PCDHA7: variants seen among roughly 807,000 people sequenced by gnomAD.
PCDHA7 encodes protocadherin alpha-7.
Under a neutral mutation model 57.2 loss-of-function variants are expected in PCDHA7, and 37 were observed. The observed-to-expected ratio is 0.65, with a 90% CI of 0.50 to 0.85. The LOEUF is 0.85. Among genes scored for constraint, PCDHA7 ranks in the 40% least tolerant of loss-of-function variants. The pLI is 0.00. For missense variants in PCDHA7, 1,188 were observed against 1,241.8 expected (o/e 0.96, Z 0.65); for synonymous variants, 553 against 558.8 (o/e 0.99, Z 0.15).
At position 140,884,500 on chromosome 5, in the gene PCDHA7, G is replaced by T. The variant is rs782378726; in HGVS notation, c.2355+47762G>T. 34 of 1,614,122 alleles carry T rather than the reference G, an allele frequency of 2.1e-5. No homozygotes were observed. The South Asian group carries it at 2.5e-4, about 12-fold the overall frequency. On this transcript the variant is annotated intron_variant, in intron 1 of 3. Coordinates refer to ENST00000525929, the MANE Select transcript of PCDHA7 (RefSeq NM_018910.3). ...AGCCCACTCTAGTGTGCTCCAGCGC[G>T]GCAGGGAGTTGGTCGTACTCGCAGC...
chr5:140,972,260 C>T (rs155805), intron 1 of PCDHA7, among the ~76,000 whole-genome samples: 8,116 of 151,624 alleles, frequency 0.054, 294 homozygotes, highest in Middle Eastern at 0.15. Flanking sequence ...ACACATCAGC[C>T]TCCTGAGTAG....
At chr5:140,951,523 G>A (rs868992487) in intron 1 of PCDHA7, among the ~76,000 whole-genome samples, 1 of 151,994 alleles carries the variant, frequency 6.6e-6, no homozygotes, top group Non-Finnish European at 1.5e-5. Context: ...ATCTTACATG[G>A]CCGGTGCAGG....
intron 1 of PCDHA7, among the ~76,000 whole-genome samples, chr5:140,974,838 A>G (rs1554236389): frequency 6.6e-6 from 1 of 152,134 alleles, no homozygotes; most frequent in Admixed American, 6.5e-5. Context: ...ATTATTTTAA[A>G]TGTTATATTC....
chr5:140,857,878 G>A (rs2044977263), intron 1 of PCDHA7: 5 of 1,597,814 alleles, frequency 3.1e-6, no homozygotes, highest in East Asian at 4.5e-5. Context: ...CGTATGAATT[G>A]CAGTCGGCGG....
At chr5:140,850,454 C>A (rs2150484793) in intron 1 of PCDHA7, 7 of 1,597,724 alleles carry the variant, frequency 4.4e-6, no homozygotes, top group Non-Finnish European at 5.1e-6. Flanking sequence ...TGGTGAAAGA[C>A]CACGGGGAGC....
intron 1 of PCDHA7, chr5:140,851,357 G>A: frequency 2.1e-6 from 2 of 974,974 alleles, no homozygotes; most frequent in Non-Finnish European, 2.5e-6. Flanking sequence ...GATGGAGACT[G>A]TGAACATCTG....
intron 1 of PCDHA7, among the ~76,000 whole-genome samples, chr5:140,950,294 C>T (rs1396440202): frequency 6.6e-6 from 1 of 151,970 alleles, no homozygotes; most frequent in African/African-American, 2.4e-5. Context: ...ACCTGAAAAA[C>T]TTTACTTAGC....
intron 1 of PCDHA7, chr5:140,867,855 G>T (rs1340065029): frequency 6.6e-6 from 1 of 151,976 alleles, no homozygotes; most frequent in African/African-American, 2.4e-5. Context: ...TAGTTGAATT[G>T]TTTGATTAAT....
intron 1 of PCDHA7, chr5:140,868,337 C>T (rs1380091281): frequency 1.3e-5 from 2 of 151,836 alleles, no homozygotes; most frequent in African/African-American, 2.4e-5. Context: ...TATAAAGTCA[C>T]TTATAATCAG....
intron 1 of PCDHA7, chr5:140,876,689 C>T: frequency 1.2e-6 from 2 of 1,614,228 alleles, no homozygotes; most frequent in Middle Eastern, 1.6e-4. Context: ...AATTACTACT[C>T]GTTGGTGCTG....
intron 3 of PCDHA7, among the ~76,000 whole-genome samples, chr5:140,993,386 A>C (rs1435793353): frequency 6.6e-6 from 1 of 151,354 alleles, no homozygotes; most frequent in Non-Finnish European, 1.5e-5. Flanking sequence ...GGGTCCCTGA[A>C]ACTCCATCAT....
intron 1 of PCDHA7, among the ~76,000 whole-genome samples, chr5:140,898,180 G>T (rs1216288813): frequency 6.6e-6 from 1 of 152,128 alleles, no homozygotes; most frequent in Non-Finnish European, 1.5e-5. Context: ...CTGTGCAGAA[G>T]CTCTTTAGTT....
chr5:140,882,319 G>T, intron 1 of PCDHA7: 3 of 1,614,136 alleles, frequency 1.9e-6, no homozygotes, highest in Non-Finnish European at 2.5e-6. Flanking sequence ...TACTGCTCTG[G>T]CTTCTGATCC....
Position 140,859,942 on chromosome 5 carries a change from C to T in PCDHA7, c.2355+23204C>T, listed in dbSNP as rs188063424. ...AGTAATATAAAAAACTTAGTAAAAACTCATATCAATTGTAAAAGTCTCAGG... is the reference window on the plus strand; with the variant it reads ...AGTAATATAAAAAACTTAGTAAAAATTCATATCAATTGTAAAAGTCTCAGG... On this transcript the variant is annotated intron_variant, in intron 1 of 3. Coordinates refer to ENST00000525929, the MANE Select transcript of PCDHA7 (RefSeq NM_018910.3). 5.9e-5 allele frequency: 9 copies of T among 151,828 alleles called. No individual in the cohort carries two copies. The East Asian group carries it at 1.5e-3, about 26-fold the overall frequency. 9.4% of individuals were successfully genotyped at this position (151,828 alleles called of 1,614,324 possible). A position where few individuals can be genotyped will look rare whatever the true frequency, so the allele number is the denominator to read the frequency against.
At chr5:140,843,774 A>T in intron 1 of PCDHA7, 1 of 1,457,980 alleles carries the variant, frequency 6.9e-7, no homozygotes. Context: ...TAGTTACTTT[A>T]AAAGTGTTTC....
In PCDHA7 at chr5:140,836,669, G is replaced by A. The variant is rs142732506; in HGVS notation, c.2286G>A (p.Glu762=). The part of the protein sequence containing the change: ...QQRRQRVCSG[E]GPPKTDLMAF... ...GGCGGCAGAGGGTGTGCTCTGGGGA[G>A]GGCCCACCCAAGACAGACCTCATGG... The change falls in exon 1 of 4, where the codon GAG becomes GAA. Residue 762 remains glutamate, a synonymous_variant. Coordinates refer to ENST00000525929, the MANE Select transcript of PCDHA7 (RefSeq NM_018910.3). The A allele has an allele frequency of 2.5e-6, 4 of 1,613,470 alleles. No homozygotes were observed. In the East Asian group the frequency reaches 8.9e-5, roughly 36 times the overall value.
intron 1 of PCDHA7, among the ~76,000 whole-genome samples, chr5:140,840,153 G>A (rs1284552041): frequency 6.6e-6 from 1 of 152,018 alleles, no homozygotes; most frequent in Non-Finnish European, 1.5e-5. Context: ...CACGTGAAAG[G>A]AGAGATGGGA....
chr5:140,919,821 T>C (rs944662452), intron 1 of PCDHA7, among the ~76,000 whole-genome samples: 1 of 152,230 alleles, frequency 6.6e-6, no homozygotes, highest in Non-Finnish European at 1.5e-5. Flanking sequence ...CAAAAATATA[T>C]GTCCACATAG....
chr5:140,979,002 G>A lies in PCDHA7; in HGVS notation c.2409G>A (p.Met803Ile). 6.2e-7 allele frequency: 1 copy of A among 1,614,130 alleles called. No homozygotes were observed. The highest frequency in any genetic ancestry group is 8.5e-7 in the Non-Finnish European group (1 of 1,180,014). ...WRYSASLRAG[M>I]HSSVHLEEAG... ...ACTCTGCCTCCCTGAGAGCAGGCAT[G>A]CACAGGTATGTATTTCCCTCCTCAT... The change falls in exon 2 of 4, where the codon ATG becomes ATA. Residue 803 changes from methionine (M) to isoleucine (I), a missense_variant. Around this residue, in one of 3 missense-constraint regions of PCDHA7, gnomAD observed 892 missense variants for 788.5 expected, o/e 1.13. Transcript: ENST00000525929.
Sources: gnomAD v4.1 joint callset for allele counts (sites outside exome capture counted in the v4.1 genomes callset) on GRCh38, gnomAD v4.1.1 for gene constraint, gnomAD v4.1.1 regional missense constraint, MANE v1.5 for transcripts, NCBI Gene and HGNC (gene_info 2026-07-23, HGNC 2026-07-21) for gene names.